Variants in SFI1 observed in about 807,000 individuals in gnomAD.
SFI1 encodes SFI1 centrin binding protein, also known as protein SFI1 homolog.
SFI1 carries 195 observed loss-of-function variants against 207.5 expected under a neutral mutation model. That is an observed-to-expected ratio of 0.94 (90% CI 0.84 to 1.06). SFI1 has a LOEUF of 1.06. Ranked by LOEUF, SFI1 falls within the 50% of genes least tolerant of loss-of-function variation. The probability of loss-of-function intolerance (pLI) is 0.00; values close to 1 mark genes in which losing one functional copy is unlikely to be tolerated. For missense variants in SFI1, 1,634 were observed against 1,588.0 expected (o/e 1.03, Z -0.49); for synonymous variants, 630 against 598.9 (o/e 1.05, Z -0.76).
chr22:31,497,288 C>G (rs1228732912), intron 1 of SFI1: 1 of 152,194 alleles, frequency 6.6e-6, no homozygotes, highest in Admixed American at 6.5e-5. Flanking sequence ...TAGCAAGCAG[C>G]CCTGCACCGA....
At chr22:31,535,713 A>C (rs1023477748) in intron 4 of SFI1, among the ~76,000 whole-genome samples, 1 of 151,926 alleles carries the variant, frequency 6.6e-6, no homozygotes, top group African/African-American at 2.4e-5. Flanking sequence ...ATGTGAAATT[A>C]GTTTTCCTGA....
intron 2 of SFI1, among the ~76,000 whole-genome samples, chr22:31,518,575 A>G (rs574816682): frequency 1.3e-5 from 2 of 152,224 alleles, no homozygotes; most frequent in Non-Finnish European, 2.9e-5. Context: ...TTTTTAAGGA[A>G]CCAGCTTTTC....
chr22:31,616,348 C>G (rs2071441979), intron 29 of SFI1: 1 of 173,950 alleles, frequency 5.7e-6, no homozygotes, highest in Non-Finnish European at 1.2e-5. Context: ...GAGAGGAGGG[C>G]ATGGAAAAGG....
intron 6 of SFI1, among the ~76,000 whole-genome samples, chr22:31,554,213 C>A (rs1476049127): frequency 6.6e-6 from 1 of 152,026 alleles, no homozygotes; most frequent in African/African-American, 2.4e-5. Context: ...ACAAAGATTT[C>A]CTCTTATGTT....
intron 12 of SFI1, 21 bp from the exon 13 acceptor site, chr22:31,583,854 C>G (rs375392642): frequency 5.0e-6 from 8 of 1,605,146 alleles, no homozygotes; most frequent in Non-Finnish European, 6.0e-6. Context: ...ACATTTCCAT[C>G]TTCTTCCTCC....
chr22:31,607,777 C>A, intron 21 of SFI1, 160 bp from the exon 22 acceptor site: 1 of 585,190 alleles, frequency 1.7e-6, no homozygotes. Context: ...TCCTATTGCT[C>A]AGTGGTCTGC....
intron 2 of SFI1, among the ~76,000 whole-genome samples, chr22:31,511,464 GTTTTTT>G (rs758898165): frequency 0.43 from 48,895 of 114,080 alleles, 9,121 homozygotes; most frequent in Middle Eastern, 0.51. Flanking sequence ...CATAGTTTCT[GTTTTTT>G]TTTTTTTTTT....
intron 8 of SFI1, among the ~76,000 whole-genome samples, chr22:31,572,405 G>A (rs2063044497): frequency 1.3e-5 from 2 of 152,134 alleles, no homozygotes; most frequent in South Asian, 2.1e-4. Flanking sequence ...CTACTTTACA[G>A]TAGGCTTCCT....
intron 1 of SFI1, among the ~76,000 whole-genome samples, chr22:31,505,543 G>A (rs1311252640): frequency 6.6e-6 from 1 of 151,522 alleles, no homozygotes; most frequent in African/African-American, 2.4e-5. Flanking sequence ...ATTGCTTGAG[G>A]CCAGGAGTTT....
chr22:31,532,602 T>G (rs1020395857), intron 4 of SFI1, among the ~76,000 whole-genome samples: 3 of 152,204 alleles, frequency 2.0e-5, no homozygotes, highest in African/African-American at 7.2e-5. Context: ...CTTCATTCAA[T>G]GTCTCTCAAG....
intron 15 of SFI1, among the ~76,000 whole-genome samples, chr22:31,597,263 A>G (rs2067289778): frequency 6.6e-6 from 1 of 152,222 alleles, no homozygotes; most frequent in South Asian, 2.1e-4. Flanking sequence ...TTTTAGAGCT[A>G]TCACTCTGGA....
intron 15 of SFI1, among the ~76,000 whole-genome samples, chr22:31,594,207 C>T (rs532568336): frequency 2.6e-5 from 4 of 152,172 alleles, no homozygotes; most frequent in African/African-American, 4.8e-5. Context: ...AGTTCCTGTT[C>T]TGCTAGACCT....
chr22:31,508,321 C>T lies in SFI1; in HGVS notation c.37C>T (p.His13Tyr), dbSNP rs2054965142. The T allele has an allele frequency of 1.2e-6, 2 of 1,612,956 alleles. No individual in the cohort carries two copies. Among genetic ancestry groups the T allele is most frequent in the South Asian group, 1.1e-5 (1 of 91,024 alleles). The change falls in exon 2 of 33, where the codon CAC becomes TAC. Residue 13 changes from histidine (H) to tyrosine (Y), a missense_variant. Transcript: ENST00000400288. ...NLLTEKCISSHNFHQKVIKQR... is the reference protein window; with the variant it reads ...NLLTEKCISSYNFHQKVIKQR... ...GCTCACTGAGAAGTGTATATCAAGC[C>T]ACAATTTCCATCAAAAAGTGATTAA...
chr22:31,565,635 G>A (rs1188330456), intron 8 of SFI1, among the ~76,000 whole-genome samples: 1 of 152,092 alleles, frequency 6.6e-6, no homozygotes, highest in African/African-American at 2.4e-5. Flanking sequence ...GGAGGTCAAG[G>A]CTGCAGTGAG....
At chr22:31,517,899 A>G (rs1569194727) in intron 2 of SFI1, among the ~76,000 whole-genome samples, 1 of 152,184 alleles carries the variant, frequency 6.6e-6, no homozygotes, top group Admixed American at 6.6e-5. Context: ...AAGAATGTCT[A>G]AGCTATTCTT....
intron 21 of SFI1, among the ~76,000 whole-genome samples, chr22:31,607,360 T>C (rs10222293): frequency 0.019 from 2,933 of 152,248 alleles, 82 homozygotes; most frequent in African/African-American, 0.064. Flanking sequence ...CCCAGCACTT[T>C]AGGAGACTGA....
At position 31,592,989 on chromosome 22, in the gene SFI1, C is replaced by T. The variant is rs1172255292; in HGVS notation, c.1544+3412C>T. ...GGCGGCTGGCCGGGCGGGGGGCTGA[C>T]CCCCCCACCTCCCTCCCGGACGGCA... On this transcript the variant is annotated intron_variant, in intron 15 of 32. Transcript: ENST00000400288. Among the ~76,000 whole-genome samples the T allele has an allele frequency of 1.1e-3, 124 of 116,980 alleles. 1 individual carries two copies. The highest frequency in any genetic ancestry group is 4.2e-3 in the African/African-American group (112 of 26,970). 76.7% of individuals were successfully genotyped at this position (116,980 alleles called of 152,430 possible). A position where few individuals can be genotyped will look rare whatever the true frequency, so the allele number is the denominator to read the frequency against.
rs542430970 is a variant in SFI1, at chr22:31,563,820, A to G, written c.765+2428A>G. The stretch of plus-strand genomic sequence containing the variant: ...GGCTGGTCTCGAACTCCTGACCGCA[A>G]GTGATCCACCTGCCCCTCGGCCTCC... On this transcript the variant is annotated intron_variant, in intron 8 of 32. Transcript: ENST00000400288. Among the ~76,000 whole-genome samples the G allele has an allele frequency of 1.4e-4, 22 of 151,726 alleles. No individual in the cohort carries two copies. The East Asian group carries it at 4.3e-3, about 30-fold the overall frequency.
At chr22:31,593,998 G>GGCAGGGGCAGGCGCAGGGGC in intron 15 of SFI1, among the ~76,000 whole-genome samples, 1 of 83,512 alleles carries the variant, frequency 1.2e-5, no homozygotes, top group Non-Finnish European at 2.9e-5. Flanking sequence ...GAGGGAGAGG[G>GGCAGGGGCAGGCGCAGGGGC]AGAGGGACAG....
Sources: gnomAD v4.1 joint callset for allele counts (sites outside exome capture counted in the v4.1 genomes callset) on GRCh38, gnomAD v4.1.1 for gene constraint, MANE v1.5 for transcripts, NCBI Gene and HGNC (gene_info 2026-07-23, HGNC 2026-07-21) for gene names.